ASAP1: variants seen among roughly 807,000 people sequenced by gnomAD.
The protein encoded by ASAP1 is ArfGAP with SH3 domain, ankyrin repeat and PH domain 1.
A neutral mutation model predicts 145.2 loss-of-function variants in ASAP1; 43 were observed. That is an observed-to-expected ratio of 0.30 (90% CI 0.23 to 0.38). The LOEUF is 0.38. ASAP1 is among the 10% of genes least tolerant of loss of function. ASAP1 has a pLI of 1.00. For synonymous variants in ASAP1, 546 were observed against 515.5 expected (o/e 1.06, Z -0.80); for missense variants, 1,018 against 1,355.3 (o/e 0.75, Z 3.91).
intron 3 of ASAP1, among the ~76,000 whole-genome samples, chr8:130,315,993 G>C (rs1823642499): frequency 6.6e-6 from 1 of 151,706 alleles, no homozygotes; most frequent in Non-Finnish European, 1.5e-5. Flanking sequence ...GTGCCCTTCG[G>C]GTCCCTTCTC....
intron 16 of ASAP1, 122 bp downstream of exon 16, chr8:130,127,805 G>T: frequency 1.8e-6 from 2 of 1,103,578 alleles, no homozygotes; most frequent in Non-Finnish European, 2.5e-6. Flanking sequence ...GGGAATACGT[G>T]TTTTGTGTGT....
chr8:130,440,517 AAAAG>A (rs1346119051), intron 1 of ASAP1, among the ~76,000 whole-genome samples: 1 of 151,950 alleles, frequency 6.6e-6, no homozygotes, highest in Non-Finnish European at 1.5e-5. Flanking sequence ...AAAAAAAAAA[AAAAG>A]AGTCAATCAG....
chr8:130,403,440 T>G (rs1446493682), intron 1 of ASAP1, among the ~76,000 whole-genome samples: 1 of 152,218 alleles, frequency 6.6e-6, no homozygotes, highest in Non-Finnish European at 1.5e-5. Context: ...TTCTCAGTGC[T>G]TTAGAATAAA....
Position 130,136,961 on chromosome 8 carries a change from G to T in ASAP1, c.1158C>A (p.Asp386Glu). The T allele has an allele frequency of 6.2e-7, 1 of 1,614,096 alleles. No homozygotes were observed. The highest frequency in any genetic ancestry group is 8.5e-7 in the Non-Finnish European group (1 of 1,179,928). Residue 386 changes from aspartate (D) to glutamate (E), a missense_variant, in exon 14 of 30, where the codon GAC becomes GAA. By Grantham distance (45) the Asp-to-Glu change is conservative. Around this residue, in one of 9 missense-constraint regions of ASAP1, gnomAD observed 153 missense variants for 221.6 expected, o/e 0.69. Transcript: ENST00000518721. ...AGAAAAAGGACTCACGTGATATCAGGTCAAAAGATTTTTTGTCTTCGGCAT... is the reference window on the plus strand; with the variant it reads ...AGAAAAAGGACTCACGTGATATCAGTTCAAAAGATTTTTTGTCTTCGGCAT... ...KPNAEDKKSF[D>E]LISHNRTYHF...
chr8:130,259,416 C>T (rs977360965), intron 3 of ASAP1, among the ~76,000 whole-genome samples: 1 of 152,160 alleles, frequency 6.6e-6, no homozygotes, highest in African/African-American at 2.4e-5. Context: ...ACTTTAAACC[C>T]TTGCCAGGCC....
chr8:130,153,689 A>C (rs1165727510), intron 12 of ASAP1, among the ~76,000 whole-genome samples: 1 of 152,058 alleles, frequency 6.6e-6, no homozygotes, highest in African/African-American at 2.4e-5. Flanking sequence ...TTGGACAGTA[A>C]AAATGGGAAA....
At chr8:130,118,340 G>T in intron 19 of ASAP1, 94 bp from the exon 20 acceptor site, 2 of 1,370,684 alleles carry the variant, frequency 1.5e-6, no homozygotes, top group Non-Finnish European at 2.0e-6. Flanking sequence ...ATTATAAGGA[G>T]CACACCTCTT....
intron 1 of ASAP1, among the ~76,000 whole-genome samples, chr8:130,434,621 T>A (rs1830247335): frequency 6.6e-6 from 1 of 152,148 alleles, no homozygotes; most frequent in African/African-American, 2.4e-5. Flanking sequence ...CCAAGTCACC[T>A]TAGGCAGGAA....
At chr8:130,179,143 G>A in intron 9 of ASAP1, 121 bp downstream of exon 9, 1 of 561,804 alleles carries the variant, frequency 1.8e-6, no homozygotes, top group Non-Finnish European at 3.1e-6. Context: ...GCTGAAAAAG[G>A]TCATTATATC....
chr8:130,093,063 T>A (rs1017574855), intron 24 of ASAP1, among the ~76,000 whole-genome samples: 1 of 152,092 alleles, frequency 6.6e-6, no homozygotes, highest in Non-Finnish European at 1.5e-5. Flanking sequence ...ATCTGTTATA[T>A]TGGAAGCCTG....
At chr8:130,414,055 T>C (rs1413438830) in intron 1 of ASAP1, among the ~76,000 whole-genome samples, 1 of 152,154 alleles carries the variant, frequency 6.6e-6, no homozygotes, top group African/African-American at 2.4e-5. Flanking sequence ...GAGAAAATAA[T>C]ACAGAGGACT....
intron 3 of ASAP1, among the ~76,000 whole-genome samples, chr8:130,250,217 C>T (rs1819107642): frequency 6.6e-6 from 1 of 151,742 alleles, no homozygotes; most frequent in Admixed American, 6.6e-5. Flanking sequence ...GAATTTACTA[C>T]TCAAAGACTT....
intron 3 of ASAP1, among the ~76,000 whole-genome samples, chr8:130,242,691 C>T (rs1037256939): frequency 2.6e-5 from 4 of 152,206 alleles, no homozygotes; most frequent in Admixed American, 6.5e-5. Context: ...AGAACATATA[C>T]GTGAATAATC....
intron 6 of ASAP1, among the ~76,000 whole-genome samples, 168 bp from the exon 7 acceptor site, chr8:130,187,453 T>C (rs1028872437): frequency 2.0e-5 from 3 of 151,830 alleles, no homozygotes; most frequent in Non-Finnish European, 2.9e-5. Context: ...TCTCACTCTG[T>C]TGCCTAGAAT....
chr8:130,313,773 A>C (rs776256847), intron 3 of ASAP1, among the ~76,000 whole-genome samples: 21 of 152,228 alleles, frequency 1.4e-4, no homozygotes, highest in Non-Finnish European at 2.4e-4. Context: ...GAACTAAAAA[A>C]CTCATGACTT....
At chr8:130,299,026 C>T (rs1263874902) in intron 3 of ASAP1, among the ~76,000 whole-genome samples, 1 of 152,094 alleles carries the variant, frequency 6.6e-6, no homozygotes, top group African/African-American at 2.4e-5. Flanking sequence ...TCCTTATTAA[C>T]GAAATGAATG....
chr8:130,067,935 G>T (rs1397743909), intron 27 of ASAP1, among the ~76,000 whole-genome samples: 1 of 152,138 alleles, frequency 6.6e-6, no homozygotes, highest in Non-Finnish European at 1.5e-5. Context: ...CACACATTTG[G>T]TATCAGCGAA....
At position 130,320,549 on chromosome 8, in the gene ASAP1, A is replaced by G. The variant is rs1586824156; in HGVS notation, c.186+37468T>C. On this transcript the variant is annotated intron_variant, in intron 3 of 29. Transcript: ENST00000518721. ...TGACAGAGTCAGATCTTGTCTAAAAAAAAAAGAAAAAGAATACATACATAC... is the reference window on the plus strand; with the variant it reads ...TGACAGAGTCAGATCTTGTCTAAAAGAAAAAGAAAAAGAATACATACATAC... Among the ~76,000 whole-genome samples the G allele has an allele frequency of 2.0e-5, 3 of 152,286 alleles. No homozygotes were observed. In the South Asian group the frequency reaches 6.2e-4, roughly 32 times the overall value.
intron 24 of ASAP1, among the ~76,000 whole-genome samples, chr8:130,103,419 T>G (rs532254230): frequency 5.3e-5 from 8 of 152,204 alleles, no homozygotes; most frequent in Non-Finnish European, 1.2e-4. Context: ...CTGATCTTTT[T>G]TCTTTCCTTT....
Sources: allele counts gnomAD v4.1 joint callset (sites outside exome capture counted in the v4.1 genomes callset), GRCh38; gene constraint gnomAD v4.1.1; regional missense constraint gnomAD v4.1.1; transcripts MANE v1.5; gene names NCBI Gene and HGNC (gene_info 2026-07-23, HGNC 2026-07-21).